CDC42SE2: variants seen among roughly 807,000 people sequenced by gnomAD.
The protein encoded by CDC42SE2 is CDC42 small effector 2, also known as CDC42 small effector protein 2.
CDC42SE2 carries 3 observed loss-of-function variants against 11.5 expected under a neutral mutation model. The observed-to-expected ratio is 0.26, with a 90% CI of 0.12 to 0.67. The LOEUF is 0.67. Ranked by LOEUF, CDC42SE2 falls within the 30% of genes least tolerant of loss-of-function variation. The probability of loss-of-function intolerance (pLI) is 0.80; values close to 1 mark genes in which losing one functional copy is unlikely to be tolerated. For synonymous variants in CDC42SE2, 33 were observed against 34.8 expected (o/e 0.95, Z 0.18); for missense variants, 82 against 106.8 (o/e 0.77, Z 1.02).
At chr5:131,255,513 C>T (rs1756673052) in intron 2 of CDC42SE2, 1 of 152,108 alleles carries the variant, frequency 6.6e-6, no homozygotes, top group Non-Finnish European at 1.5e-5. Flanking sequence ...GCCCGTAATC[C>T]CAGCACTTTG....
At chr5:131,376,640 T>A (rs941309740) in intron 3 of CDC42SE2, among the ~76,000 whole-genome samples, 3 of 152,168 alleles carry the variant, frequency 2.0e-5, no homozygotes, top group Non-Finnish European at 4.4e-5. Context: ...TTTGATCCTC[T>A]CCCTCCTCCC....
At chr5:131,270,774 C>G (rs1237664171) in intron 1 of CDC42SE2, among the ~76,000 whole-genome samples, 2 of 152,176 alleles carry the variant, frequency 1.3e-5, no homozygotes, top group Admixed American at 6.6e-5. Context: ...TGTTCAAACT[C>G]TTGTAGATTT....
At chr5:131,347,544 A>T (rs1758879233) in intron 2 of CDC42SE2, among the ~76,000 whole-genome samples, 1 of 152,186 alleles carries the variant, frequency 6.6e-6, no homozygotes, top group Non-Finnish European at 1.5e-5. Flanking sequence ...GACCACATAG[A>T]TTCACAGCCG....
chr5:131,319,612 A>G (rs948743974), intron 2 of CDC42SE2, among the ~76,000 whole-genome samples: 2 of 152,186 alleles, frequency 1.3e-5, no homozygotes, highest in African/African-American at 2.4e-5. Context: ...GAAACTGACC[A>G]TCGTAATTCA....
At chr5:131,220,170 C>T in the CDC42SE2 span, among the ~76,000 whole-genome samples, 1 of 152,040 alleles carries the variant, frequency 6.6e-6, no homozygotes, top group African/African-American at 2.4e-5. Flanking sequence ...TTAAGAATAA[C>T]CCTGTTTTAA....
chr5:131,226,138 A>C, the CDC42SE2 span, among the ~76,000 whole-genome samples: 2 of 152,210 alleles, frequency 1.3e-5, no homozygotes, highest in Non-Finnish European at 2.9e-5. Context: ...TGGTTGACAC[A>C]ATTGGTGGCG....
chr5:131,341,116 T>C (rs948174876), intron 2 of CDC42SE2, among the ~76,000 whole-genome samples: 36 of 152,322 alleles, frequency 2.4e-4, no homozygotes, highest in Non-Finnish European at 4.6e-4. Flanking sequence ...ACTAAGTGTT[T>C]TGTTTAATTT....
chr5:131,380,650 A>G (rs1237506450), intron 3 of CDC42SE2, among the ~76,000 whole-genome samples: 2 of 152,156 alleles, frequency 1.3e-5, no homozygotes, highest in African/African-American at 4.8e-5. Context: ...GGAACCTTGT[A>G]AGGTTGACAA....
intron 2 of CDC42SE2, among the ~76,000 whole-genome samples, chr5:131,326,540 AAT>A (rs1758305917): frequency 1.3e-5 from 2 of 152,066 alleles, no homozygotes; most frequent in Non-Finnish European, 2.9e-5. Flanking sequence ...TTGGATCTTC[AAT>A]ATATCTGCTT....
At chr5:131,262,012 A>C (rs1756730787), upstream of CDC42SE2, among the ~76,000 whole-genome samples, 4 of 152,000 alleles carry the variant, frequency 2.6e-5, no homozygotes, top group Non-Finnish European at 5.9e-5. Flanking sequence ...GTTACAAAAT[A>C]TGAAAAATCT....
At chr5:131,312,631 AT>A (rs1212371285) in intron 1 of CDC42SE2, among the ~76,000 whole-genome samples, 5 of 152,196 alleles carry the variant, frequency 3.3e-5, no homozygotes, top group African/African-American at 1.2e-4. Context: ...GGCGCGGGAT[AT>A]AATCTCGTGG....
chr5:131,344,963 A>G (rs1758803646), intron 2 of CDC42SE2, among the ~76,000 whole-genome samples: 1 of 152,222 alleles, frequency 6.6e-6, no homozygotes, highest in Non-Finnish European at 1.5e-5. Context: ...AAACTAACAA[A>G]CAGAAAGGAC....
chr5:131,294,574 C>T (rs1757528884), intron 1 of CDC42SE2, among the ~76,000 whole-genome samples: 1 of 152,042 alleles, frequency 6.6e-6, no homozygotes, highest in Non-Finnish European at 1.5e-5. Context: ...TGCCAGATAA[C>T]TTAAAAAAGT....
At chr5:131,286,385 GTTTTTTTTTTT>G (rs33983324) in intron 1 of CDC42SE2, among the ~76,000 whole-genome samples, 1 of 115,088 alleles carries the variant, frequency 8.7e-6, no homozygotes, top group African/African-American at 3.4e-5. Context: ...CACCTGGCCA[GTTTTTTTTTTT>G]TTTTTTTTTT....
At chr5:131,390,401 T>C (rs1750614119) in intron 4 of CDC42SE2, among the ~76,000 whole-genome samples, 1 of 152,160 alleles carries the variant, frequency 6.6e-6, no homozygotes, top group Non-Finnish European at 1.5e-5. Flanking sequence ...GTGGAGTTGA[T>C]CGGCCGGGTG....
rs936765679 is a variant in CDC42SE2, at chr5:131,392,624, G to A, written c.*1533G>A. On this transcript the variant is annotated 3_prime_UTR_variant, in exon 5 of 5. Coordinates refer to ENST00000505065, the MANE Select transcript of CDC42SE2 (RefSeq NM_001375635.1). ...ATATTTATTTTGAGAGCAAGGACCTGTGGTTGTAAACAGGTGTGGTTACAG... is the reference window on the plus strand; with the variant it reads ...ATATTTATTTTGAGAGCAAGGACCTATGGTTGTAAACAGGTGTGGTTACAG... The A allele has an allele frequency of 2.6e-5, 4 of 152,370 alleles. No homozygotes were observed. Among genetic ancestry groups the A allele is most frequent in the African/African-American group, 9.6e-5 (4 of 41,454 alleles). 9.4% of individuals were successfully genotyped at this position (152,370 alleles called of 1,614,324 possible).
At chr5:131,238,633 G>C in the CDC42SE2 span, among the ~76,000 whole-genome samples, 2 of 148,764 alleles carry the variant, frequency 1.3e-5, no homozygotes, top group Non-Finnish European at 3.0e-5. Context: ...TAATAAAAAA[G>C]AAAAGAAAAG....
intron 1 of CDC42SE2, among the ~76,000 whole-genome samples, chr5:131,273,174 G>A (rs1268973305): frequency 8.9e-6 from 1 of 112,080 alleles, no homozygotes; most frequent in Admixed American, 9.1e-5. Context: ...TTTTTTTTTT[G>A]AGATAGAGTC....
At chr5:131,310,751 G>T (rs1243715877) in intron 1 of CDC42SE2, among the ~76,000 whole-genome samples, 1 of 151,942 alleles carries the variant, frequency 6.6e-6, no homozygotes, top group African/African-American at 2.4e-5. Context: ...TTTTATCAGA[G>T]ACTAGGATTG....
Sources: gnomAD v4.1 joint callset for allele counts (sites outside exome capture counted in the v4.1 genomes callset) on GRCh38, gnomAD v4.1.1 for gene constraint, MANE v1.5 for transcripts, NCBI Gene and HGNC (gene_info 2026-07-23, HGNC 2026-07-21) for gene names.